The following PXDN variants were observed in gnomAD, a reference collection of about 807,000 sequenced individuals.
PXDN encodes the protein peroxidasin.
A neutral mutation model predicts 140.3 loss-of-function variants in PXDN; 77 were observed. The ratio of observed to expected loss-of-function variants is 0.55; its 90% CI spans 0.46 to 0.66. The LOEUF (loss-of-function observed/expected upper bound fraction) is 0.66. Ranked by LOEUF, PXDN falls within the 30% of genes least tolerant of loss-of-function variation. The probability of loss-of-function intolerance (pLI) is 0.00; values close to 1 mark genes in which losing one functional copy is unlikely to be tolerated. For synonymous variants in PXDN, 911 were observed against 857.4 expected (o/e 1.06, Z -1.09); for missense variants, 1,838 against 2,039.5 (o/e 0.90, Z 1.90).
At chr2:1,674,042 G>C (rs754990336) in intron 8 of PXDN, among the ~76,000 whole-genome samples, 1 of 152,170 alleles carries the variant, frequency 6.6e-6, no homozygotes, top group African/African-American at 2.4e-5. Flanking sequence ...TAGTATTCAC[G>C]TGTTCAATCT....
chr2:1,698,260 G>C lies in PXDN; in HGVS notation c.201-5126C>G, dbSNP rs144290793. On this transcript the variant is annotated intron_variant, in intron 1 of 22. Coordinates refer to ENST00000252804, the MANE Select transcript of PXDN (RefSeq NM_012293.3). ...TGAACATCCCCTGCAATTCCAGTGG[G>C]TCTTATCAGCTCATTCACTGAGCAC... is the stretch of plus-strand genomic sequence containing the variant. Among the ~76,000 whole-genome samples the C allele has an allele frequency of 2.7e-3, 406 of 152,278 alleles. 2 individuals are homozygous for C. The highest frequency in any genetic ancestry group is 9.4e-3 in the African/African-American group (389 of 41,552).
chr2:1,687,684 T>C lies in PXDN; in HGVS notation c.364A>G (p.Ile122Val). 1 of 1,530,480 alleles carries C rather than the reference T, an allele frequency of 6.5e-7. No individual in the cohort carries two copies. The highest frequency in any genetic ancestry group is 9.0e-7 in the Non-Finnish European group (1 of 1,107,646). 94.8% of individuals were successfully genotyped at this position (1,530,480 alleles called of 1,614,324 possible). ...AATGCTTGCCTGTCAATTGACTGGA[T>C]CTCATTCTTGTACAGATAGCTGAAA... Reference protein sequence around the residue: ...LKYLYLYKNEIQSIDRQAFKG... With the variant: ...LKYLYLYKNEVQSIDRQAFKG... Residue 122 changes from isoleucine to valine, a missense_variant, in exon 4 of 23, where the codon ATC becomes GTC. By Grantham distance (29) the Ile-to-Val change is conservative (BLOSUM62 3). Transcript: ENST00000252804. The surrounding 1 kb of genome is among the most constrained non-coding windows in gnomAD (Gnocchi z 4.0).
At chr2:1,634,344 A>C in intron 22 of PXDN, 21 bp from the exon 23 acceptor site, 1 of 1,556,880 alleles carries the variant, frequency 6.4e-7, no homozygotes. Flanking sequence ...GAGACGGAGC[A>C]CAGCCTGTCA....
chr2:1,666,304 T>G lies in PXDN; in HGVS notation c.1201A>C (p.Asn401His), dbSNP rs1553361349. 1 of 1,614,010 alleles carries G rather than the reference T, an allele frequency of 6.2e-7. No homozygotes were observed. Among genetic ancestry groups the G allele is most frequent in the Non-Finnish European group, 8.5e-7 (1 of 1,179,894 alleles). Residue 401 changes from asparagine to histidine, a missense_variant, in exon 10 of 23, where the codon AAC becomes CAC. Asn to His is a moderately conservative substitution (Grantham distance 68, BLOSUM62 1). Around this residue, in one of 5 missense-constraint regions of PXDN, gnomAD observed 537 missense variants for 583.9 expected, o/e 0.92. Transcript: ENST00000252804. ...TCTCCGCTGTCCCCCTGTACGACGTTCTGTATGTAAAGCCCGCCAGAAGGC... is the reference window on the plus strand; with the variant it reads ...TCTCCGCTGTCCCCCTGTACGACGTGCTGTATGTAAAGCCCGCCAGAAGGC... Reference protein sequence around the residue: ...ITPSGGLYIQNVVQGDSGEYA... With the variant: ...ITPSGGLYIQHVVQGDSGEYA...
rs1366506275 is a variant in PXDN at position 1,685,415 on chromosome 2, G to C, written c.417-1264C>G. The stretch of plus-strand genomic sequence containing the variant: ...ACAGAATCCCTGGAGCCTCGTCTCT[G>C]CCAGGCAGTGTGCTGACAGGGCGCC... On this transcript the variant is annotated intron_variant, in intron 4 of 22. Transcript: ENST00000252804. The surrounding 1 kb of genome is among the most constrained non-coding windows in gnomAD (Gnocchi z 5.1). Among the ~76,000 whole-genome samples the C allele has an allele frequency of 2.6e-5, 4 of 152,214 alleles. No individual in the cohort carries two copies.
chr2:1,726,667 G>A (rs1405347672), intron 1 of PXDN, among the ~76,000 whole-genome samples: 1 of 152,166 alleles, frequency 6.6e-6, no homozygotes, highest in Non-Finnish European at 1.5e-5. Context: ...TTACTGAGCT[G>A]TATGAGTTCC....
chr2:1,647,573 C>T (rs994018174), intron 17 of PXDN, among the ~76,000 whole-genome samples: 1 of 152,192 alleles, frequency 6.6e-6, no homozygotes, highest in Admixed American at 6.5e-5. Context: ...AGGAGAACCG[C>T]ACCCACAGGT....
chr2:1,661,283 C>T (rs1221597657), intron 13 of PXDN, among the ~76,000 whole-genome samples: 1 of 152,120 alleles, frequency 6.6e-6, no homozygotes, highest in Non-Finnish European at 1.5e-5. Context: ...CAGCTTGAGG[C>T]AAGGATGATT....
intron 21 of PXDN, among the ~76,000 whole-genome samples, chr2:1,638,402 A>G (rs1682626288): frequency 6.6e-6 from 1 of 152,142 alleles, no homozygotes; most frequent in South Asian, 2.1e-4. Context: ...CACAGACACC[A>G]GGACTTTCCT....
intron 12 of PXDN, among the ~76,000 whole-genome samples, chr2:1,662,600 C>T (rs1264824300): frequency 1.3e-5 from 2 of 152,190 alleles, no homozygotes; most frequent in South Asian, 4.1e-4. Flanking sequence ...GAGAAGGAAA[C>T]AGAGGGGAGC....
At chr2:1,702,261 T>C (rs1367801372) in intron 1 of PXDN, among the ~76,000 whole-genome samples, 1 of 152,130 alleles carries the variant, frequency 6.6e-6, no homozygotes, top group South Asian at 2.1e-4. Context: ...GCAACGGGAA[T>C]TGGGGTCCTG....
At chr2:1,717,796 G>T (rs769237253) in intron 1 of PXDN, among the ~76,000 whole-genome samples, 9 of 142,536 alleles carry the variant, frequency 6.3e-5, no homozygotes, top group Admixed American at 2.8e-4. Context: ...TCTGCTAAGC[G>T]ACCACCCAAA....
intron 10 of PXDN, among the ~76,000 whole-genome samples, chr2:1,665,870 G>A (rs540816370): frequency 9.8e-5 from 15 of 152,318 alleles, no homozygotes; most frequent in African/African-American, 3.6e-4. Flanking sequence ...TCTGCAAGGT[G>A]TATCAACCAC....
intron 14 of PXDN, among the ~76,000 whole-genome samples, chr2:1,658,595 A>G (rs1363144750): frequency 1.3e-5 from 2 of 151,250 alleles, no homozygotes; most frequent in Non-Finnish European, 2.9e-5. Flanking sequence ...TGGACCCTTC[A>G]TCCACAGCCC....
Position 1,666,334 on chromosome 2 carries a change from T to G in PXDN, c.1171A>C (p.Ile391Leu). The G allele has an allele frequency of 3.1e-6, 5 of 1,614,066 alleles. No individual in the cohort carries two copies. The highest frequency in any genetic ancestry group is 4.2e-6 in the Non-Finnish European group (5 of 1,179,894). The change falls in exon 10 of 23, where the codon ATC becomes CTC. Residue 391 changes from isoleucine (I) to leucine (L), a missense_variant. By Grantham distance (5) the Ile-to-Leu change is conservative. Coordinates refer to ENST00000252804, the MANE Select transcript of PXDN (RefSeq NM_012293.3). ...ATGTAAAGCCCGCCAGAAGGCGTGA[T>G]GTTCACCCGCGGGTCAACTGGCAAG... ...TPLPVDPRVN[I>L]TPSGGLYIQN... is the part of the protein sequence containing the mutation.
intron 11 of PXDN, chr2:1,664,734 A>C (rs1274862371): frequency 5.9e-6 from 3 of 505,390 alleles, no homozygotes; most frequent in African/African-American, 1.9e-5. Flanking sequence ...AGAGCTTCTC[A>C]GAGTTTCCTG....
chr2:1,680,053 C>A (rs551352791), intron 7 of PXDN, 140 bp downstream of exon 7: 2 of 1,075,882 alleles, frequency 1.9e-6, no homozygotes, highest in Non-Finnish European at 2.6e-6. Context: ...TTTGTGTCTG[C>A]GCGTGTGTCT....
intron 7 of PXDN, among the ~76,000 whole-genome samples, chr2:1,679,096 GT>G (rs1460067492): frequency 6.7e-6 from 1 of 149,886 alleles, no homozygotes. Context: ...GCATGTGTGT[GT>G]GTGTGTGTGT....
chr2:1,643,582 T>A lies in PXDN; in HGVS notation c.3744-6A>T. On this transcript the variant is annotated splice_polypyrimidine_tract_variant and splice_region_variant and intron_variant, in intron 18 of 22. Transcript: ENST00000252804. ...CAGGGTTCTCATACCACAACCTGGA[T>A]CCCCCAAAATGAAAGCAGGATCAGA... 1 of 1,613,114 alleles carries A rather than the reference T, an allele frequency of 6.2e-7. No individual in the cohort carries two copies. The highest frequency in any genetic ancestry group is 8.5e-7 in the Non-Finnish European group (1 of 1,179,482).
Sources: gnomAD v4.1 joint callset for allele counts (sites outside exome capture counted in the v4.1 genomes callset) on GRCh38, gnomAD v4.1.1 for gene constraint, gnomAD v4.1.1 regional missense constraint, Gnocchi (gnomAD v3.1) non-coding constraint, MANE v1.5 for transcripts, NCBI Gene and HGNC (gene_info 2026-07-23, HGNC 2026-07-21) for gene names.